Variants in TCEAL4 observed in about 807,000 individuals in gnomAD.
TCEAL4 encodes the protein transcription elongation factor A like 4, also known as transcription elongation factor A protein-like 4.
Under a neutral mutation model 1.3 loss-of-function variants are expected in TCEAL4, and 1 was observed. The ratio of observed to expected loss-of-function variants is 0.79; its 90% CI spans 0.28 to 3.76. TCEAL4 has a LOEUF of 3.76. TCEAL4 is among the 30% of genes most tolerant of loss of function. The pLI is 0.18. For missense variants in TCEAL4, 129 were observed against 154.7 expected, an observed-to-expected ratio of 0.83 and a Z score of 0.88; for synonymous variants, 54 against 50.7, an observed-to-expected ratio of 1.06 and a Z score of -0.28.
upstream of TCEAL4, among the ~76,000 whole-genome samples, chrX:103,584,447 A>G (rs1199874335): frequency 8.9e-6 from 1 of 111,955 alleles, no homozygotes; most frequent in Non-Finnish European, 1.9e-5. Flanking sequence ...ACGATAGGCT[A>G]TAGTATGTAG....
chrX:103,584,228 G>A (rs2073523098), upstream of TCEAL4, among the ~76,000 whole-genome samples: 2 of 111,434 alleles, frequency 1.8e-5, no homozygotes, highest in African/African-American at 6.5e-5. Flanking sequence ...GTGCCTGGCC[G>A]ATATTTTTAT....
chrX:103,583,440 T>C (rs900725557), upstream of TCEAL4, among the ~76,000 whole-genome samples: 1 of 111,805 alleles, frequency 8.9e-6, no homozygotes, highest in East Asian at 2.8e-4. Context: ...CTAATCACAA[T>C]AGCAAAGATA....
At position 103,585,607 on chromosome X, in the gene TCEAL4, T is replaced by C. The variant is rs11545818; in HGVS notation, c.-118T>C. 0.059 allele frequency: 68,040 copies of C among 1,159,206 alleles called. 1,591 individuals carry two copies. Among genetic ancestry groups the C allele is most frequent in the Middle Eastern group, 0.086 (369 of 4,272 alleles). ...CTCCGGTTCCTGGGCTCCTAATTCT[T>C]GGTCCAGCTTCTTCCAGGTCAGTGT... On this transcript the variant is annotated 5_prime_UTR_variant, in exon 1 of 3. Coordinates refer to ENST00000472484, the MANE Select transcript of TCEAL4 (RefSeq NM_001006935.3).
chrX:103,581,344 T>C (rs945196984), upstream of TCEAL4, among the ~76,000 whole-genome samples: 18 of 111,725 alleles, frequency 1.6e-4, no homozygotes, highest in African/African-American at 5.9e-4. Flanking sequence ...CTATTGAAAC[T>C]ATTCCGAAAA....
chrX:103,587,607 A>G lies in TCEAL4; in HGVS notation c.*284A>G. On this transcript the variant is annotated 3_prime_UTR_variant, in exon 3 of 3. Coordinates refer to ENST00000472484, the MANE Select transcript of TCEAL4 (RefSeq NM_001006935.3). ...AACAATTCTGAAAGCTGTGTCCACT[A>G]AAAGATTAACAGTGGTTATCTCTGG... 7.8e-6 allele frequency: 2 copies of G among 254,967 alleles called. No homozygotes were observed. The highest frequency in any genetic ancestry group is 1.2e-3 in the Middle Eastern group (1 of 841). The allele number at this position is 254,967 out of a possible 1,213,427, so 21.0% of individuals were successfully genotyped here. A position where few individuals can be genotyped will look rare whatever the true frequency, so the allele number is the denominator to read the frequency against.
At position 103,587,291 on chromosome X, in the gene TCEAL4, C is replaced by G; in HGVS notation, c.616C>G (p.Arg206Gly). The change falls in exon 3 of 3, where the codon CGA (arginine) becomes GGA (glycine). Residue 206 changes from arginine to glycine, a missense_variant. Arg to Gly is a moderately radical substitution (Grantham distance 125, BLOSUM62 -2). Coordinates refer to ENST00000472484, the MANE Select transcript of TCEAL4 (RefSeq NM_001006935.3). ...ATTCAGGGGTGGCTGCAGGGCCCCA[C>G]GAAGGGACATTGAAGACATTCCTTA... Reference protein sequence around the residue: ...REFRGGCRAPRRDIEDIPYV With the variant: ...REFRGGCRAPGRDIEDIPYV The G allele has an allele frequency of 1.7e-6, 2 of 1,187,545 alleles. No homozygotes were observed. The highest frequency in any genetic ancestry group is 2.3e-6 in the Non-Finnish European group (2 of 886,532).
chrX:103,585,823 G>A (rs1200151265), intron 1 of TCEAL4, 199 bp downstream of exon 1: 2 of 1,056,531 alleles, frequency 1.9e-6, no homozygotes, highest in East Asian at 6.7e-5. Context: ...GGGTGAGGAA[G>A]GCGAGCACCC....
At chrX:103,583,699 C>T (rs749905484), upstream of TCEAL4, among the ~76,000 whole-genome samples, 1 of 111,447 alleles carries the variant, frequency 9.0e-6, no homozygotes, top group Non-Finnish European at 1.9e-5. Context: ...ACACAGGGGC[C>T]TGCTGGGGGC....
At chrX:103,576,353 G>A in exon 1 of TCEAL4, 2 of 907,232 alleles carry the variant, frequency 2.2e-6, no homozygotes, top group East Asian at 6.9e-5. Context: ...CTTTTATACA[G>A]GTTATTAAGG....
intron 1 of TCEAL4, 177 bp downstream of exon 1, chrX:103,585,801 G>T (rs1328871075): frequency 5.5e-6 from 6 of 1,098,244 alleles, no homozygotes; most frequent in Non-Finnish European, 7.3e-6. Context: ...GAGCACGTAG[G>T]CAGTGGGCAG....
At chrX:103,577,078 A>G (rs1569388538) in intron 1 of TCEAL4, 1 of 1,166,457 alleles carries the variant, frequency 8.6e-7, no homozygotes, top group Admixed American at 2.6e-5. Context: ...TATTATACTG[A>G]TCAAAATAGT....
upstream of TCEAL4, chrX:103,585,388 A>G (rs972055360): frequency 1.2e-6 from 1 of 852,566 alleles, no homozygotes; most frequent in South Asian, 4.7e-5. Flanking sequence ...AACAAGAAAA[A>G]AAGGACAAAA....
upstream of TCEAL4, chrX:103,585,501 C>A (rs911852987): frequency 1.1e-5 from 12 of 1,119,959 alleles, no homozygotes; most frequent in Non-Finnish European, 1.3e-5. Flanking sequence ...TGGGCTGCGG[C>A]ATTCACGTGA....
At chrX:103,580,364 T>A (rs1021603406) in intron 2 of TCEAL4, among the ~76,000 whole-genome samples, 10 of 112,560 alleles carry the variant, frequency 8.9e-5, no homozygotes, top group Admixed American at 2.8e-4. Flanking sequence ...CCATTTTTTT[T>A]AAATTATAAA....
intron 1 of TCEAL4, chrX:103,585,978 G>T: frequency 9.3e-7 from 1 of 1,076,285 alleles, no homozygotes; most frequent in Non-Finnish European, 1.2e-6. Flanking sequence ...AGAGAAAAAC[G>T]TTGACCGCGA....
chrX:103,576,342 T>C, exon 1 of TCEAL4: 1 of 840,050 alleles, frequency 1.2e-6, no homozygotes, highest in Non-Finnish European at 1.7e-6. Context: ...TATTATTTCA[T>C]CTTTTATACA....
upstream of TCEAL4, among the ~76,000 whole-genome samples, chrX:103,581,567 G>A (rs1009774420): frequency 1.1e-4 from 12 of 110,959 alleles, no homozygotes; most frequent in African/African-American, 3.6e-4. Context: ...CTTCATCCCC[G>A]AGATGCAAGG....
chrX:103,577,132 C>T (rs774379969), exon 2 of TCEAL4: 243 of 1,165,613 alleles, frequency 2.1e-4, no homozygotes, highest in Non-Finnish European at 2.7e-4. Flanking sequence ...AAGTCCACAT[C>T]TGTCAATGCG....
At chrX:103,577,155 G>C (rs2073487451) in exon 2 of TCEAL4, 6 of 1,165,555 alleles carry the variant, frequency 5.1e-6, no homozygotes, top group Middle Eastern at 2.3e-4. Context: ...GAATGGAAAG[G>C]TCACATATCA....
Sources: allele counts gnomAD v4.1 joint callset (sites outside exome capture counted in the v4.1 genomes callset), GRCh38; gene constraint gnomAD v4.1.1; transcripts MANE v1.5; gene names NCBI Gene and HGNC (gene_info 2026-07-23, HGNC 2026-07-21).